LHFPL3: variants seen among roughly 807,000 people sequenced by gnomAD.
LHFPL3 encodes the protein LHFPL tetraspan subfamily member 3 protein.
In LHFPL3, 5 loss-of-function variants were observed where a neutral mutation model predicts 19.3. The observed-to-expected ratio is 0.26, with a 90% CI of 0.14 to 0.54. The LOEUF (loss-of-function observed/expected upper bound fraction) is 0.54, where lower values mean the gene tolerates loss of function less well. Among genes scored for constraint, LHFPL3 ranks in the 20% least tolerant of loss-of-function variants. LHFPL3 has a pLI of 0.94. For synonymous variants in LHFPL3, 133 were observed against 126.2 expected, an observed-to-expected ratio of 1.05 and a Z score of -0.36; for missense variants, 249 against 307.4, an observed-to-expected ratio of 0.81 and a Z score of 1.42.
At chr7:104,874,328 GAT>G (rs1175720190) in intron 2 of LHFPL3, among the ~76,000 whole-genome samples, 2 of 150,830 alleles carry the variant, frequency 1.3e-5, no homozygotes, top group African/African-American at 4.9e-5. Context: ...TATAAAAAGA[GAT>G]AGGAGAGATT....
At chr7:104,841,475 T>C (rs2116588052) in intron 2 of LHFPL3, among the ~76,000 whole-genome samples, 1 of 146,580 alleles carries the variant, frequency 6.8e-6, no homozygotes, top group South Asian at 2.2e-4. Context: ...CCAATATGTA[T>C]TACGATGCAT....
chr7:104,461,238 A>G (rs1792656975), intron 1 of LHFPL3, among the ~76,000 whole-genome samples: 1 of 152,182 alleles, frequency 6.6e-6, no homozygotes, highest in Admixed American at 6.5e-5. Flanking sequence ...TATTACGAGA[A>G]CCGTGTGGGG....
chr7:104,361,256 G>A (rs1010480913), intron 1 of LHFPL3, among the ~76,000 whole-genome samples: 3 of 152,116 alleles, frequency 2.0e-5, no homozygotes, highest in Non-Finnish European at 2.9e-5. Flanking sequence ...AAGGCTGGTG[G>A]GAAAATAGAA....
chr7:104,465,084 A>G (rs1792751400), intron 1 of LHFPL3, among the ~76,000 whole-genome samples: 1 of 152,150 alleles, frequency 6.6e-6, no homozygotes, highest in African/African-American at 2.4e-5. Context: ...GGCAGGGGCA[A>G]AATGCCACCA....
chr7:104,356,685 GTC>G (rs1164872695), intron 1 of LHFPL3, among the ~76,000 whole-genome samples: 3 of 152,170 alleles, frequency 2.0e-5, no homozygotes, highest in Non-Finnish European at 4.4e-5. Flanking sequence ...TCAGCAAACA[GTC>G]TACCAAAATA....
chr7:104,439,482 A>G (rs1278406194), intron 1 of LHFPL3, among the ~76,000 whole-genome samples: 1 of 152,216 alleles, frequency 6.6e-6, no homozygotes, highest in Non-Finnish European at 1.5e-5. Context: ...ATGAAAAGTT[A>G]ATGATTTAAC....
chr7:104,606,900 G>C (rs959752924), intron 1 of LHFPL3, among the ~76,000 whole-genome samples: 1 of 152,054 alleles, frequency 6.6e-6, no homozygotes, highest in East Asian at 1.9e-4. Context: ...TACGGGATCC[G>C]TTGAATCATG....
chr7:104,410,879 A>C (rs1791522853), intron 1 of LHFPL3, among the ~76,000 whole-genome samples: 1 of 152,196 alleles, frequency 6.6e-6, no homozygotes, highest in Non-Finnish European at 1.5e-5. Flanking sequence ...TCTAATGCTG[A>C]CATATTTGAG....
intron 1 of LHFPL3, among the ~76,000 whole-genome samples, chr7:104,622,324 G>A (rs970786386): frequency 6.6e-6 from 1 of 152,080 alleles, no homozygotes; most frequent in Non-Finnish European, 1.5e-5. Flanking sequence ...TGTGGCCCAG[G>A]CTTGTCTTGA....
chr7:104,639,516 T>C (rs1485665275), intron 1 of LHFPL3, among the ~76,000 whole-genome samples: 1 of 152,192 alleles, frequency 6.6e-6, no homozygotes, highest in Non-Finnish European at 1.5e-5. Flanking sequence ...CTTTAAAAAA[T>C]GCCATTTTTT....
At chr7:104,668,131 G>A (rs921808927) in intron 1 of LHFPL3, 7 of 1,613,890 alleles carry the variant, frequency 4.3e-6, no homozygotes, top group African/African-American at 4.0e-5. Flanking sequence ...CGTTTACCAC[G>A]TGAACCCAGC....
intron 1 of LHFPL3, among the ~76,000 whole-genome samples, chr7:104,523,745 C>A (rs1288810808): frequency 6.6e-6 from 1 of 152,192 alleles, no homozygotes; most frequent in African/African-American, 2.4e-5. Flanking sequence ...ACAGTAACAG[C>A]AACACAATAA....
intron 1 of LHFPL3, among the ~76,000 whole-genome samples, chr7:104,455,963 T>C (rs1792530987): frequency 6.6e-6 from 1 of 152,186 alleles, no homozygotes; most frequent in Admixed American, 6.5e-5. Context: ...TTTTTAAAAT[T>C]ATTTTTTTCT....
intron 2 of LHFPL3, among the ~76,000 whole-genome samples, chr7:104,787,366 A>G (rs940637744): frequency 3.9e-5 from 6 of 152,190 alleles, no homozygotes; most frequent in Admixed American, 1.3e-4. Context: ...GTCTTTCTTC[A>G]GGCGCCTGTA....
At chr7:104,587,966 T>G (rs1258851837) in intron 1 of LHFPL3, among the ~76,000 whole-genome samples, 2 of 152,208 alleles carry the variant, frequency 1.3e-5, no homozygotes, top group African/African-American at 4.8e-5. Flanking sequence ...TTAATGGGGT[T>G]GTTTTTTTCT....
intron 2 of LHFPL3, among the ~76,000 whole-genome samples, chr7:104,833,002 A>ATATATATATATTATATAAAATAGATATAT (rs1790988629): frequency 2.3e-5 from 1 of 44,138 alleles, no homozygotes; most frequent in Non-Finnish European, 4.2e-5. Context: ...CATATATATT[A>ATATATATATATTATATAAAATAGATATAT]TATATATATA....
chr7:104,506,156 A>G (rs1055534896), intron 1 of LHFPL3, among the ~76,000 whole-genome samples: 3 of 152,106 alleles, frequency 2.0e-5, no homozygotes, highest in Admixed American at 6.5e-5. Context: ...AGCTGGGACT[A>G]TAGGCATGTG....
At chr7:104,518,643 G>A (rs888517211) in intron 1 of LHFPL3, among the ~76,000 whole-genome samples, 3 of 152,174 alleles carry the variant, frequency 2.0e-5, no homozygotes, top group African/African-American at 7.2e-5. Flanking sequence ...AATTAGCCAG[G>A]CATAGTGGCA....
At chr7:104,890,056 T>C (rs1792215430) in intron 2 of LHFPL3, among the ~76,000 whole-genome samples, 1 of 152,154 alleles carries the variant, frequency 6.6e-6, no homozygotes, top group Non-Finnish European at 1.5e-5. Context: ...CCCAGAAGTT[T>C]GTGAGATCGA....
Sources: gnomAD v4.1 joint callset for allele counts (sites outside exome capture counted in the v4.1 genomes callset) on GRCh38, gnomAD v4.1.1 for gene constraint, MANE v1.5 for transcripts, NCBI Gene and HGNC (gene_info 2026-07-23, HGNC 2026-07-21) for gene names.